Variants in RBBP4 observed in about 807,000 individuals in gnomAD.
RBBP4 encodes the protein RB binding protein 4, chromatin remodeling factor.
A neutral mutation model predicts 57.2 loss-of-function variants in RBBP4; 3 were observed. That is an observed-to-expected ratio of 0.05 (90% CI 0.02 to 0.14). RBBP4 has a LOEUF of 0.14. Among genes scored for constraint, RBBP4 ranks in the 10% least tolerant of loss-of-function variants. RBBP4 has a pLI of 1.00. For synonymous variants in RBBP4, 151 were observed against 171.5 expected (o/e 0.88, Z 0.93); for missense variants, 107 against 520.6 (o/e 0.21, Z 7.73).
Position 32,681,925 on chromosome 1 carries a change from T to C in RBBP4, c.*2220T>C. 1 of 1,425,514 alleles carries C rather than the reference T, an allele frequency of 7.0e-7. No homozygotes were observed. Among genetic ancestry groups the C allele is most frequent in the Admixed American group, 1.7e-5 (1 of 59,432 alleles). 88.3% of individuals were successfully genotyped at this position (1,425,514 alleles called of 1,614,324 possible). On this transcript the variant is annotated 3_prime_UTR_variant, in exon 12 of 12. Coordinates refer to ENST00000373493, the MANE Select transcript of RBBP4 (RefSeq NM_005610.3). The stretch of plus-strand genomic sequence containing the variant: ...TGAGGTTTAGTTACTGCAGGCTTTG[T>C]TGAGAAGAGATTGTTACAGTGTGAT...
intron 8 of RBBP4, among the ~76,000 whole-genome samples, chr1:32,670,712 A>G (rs1417345511): frequency 6.6e-6 from 1 of 152,224 alleles, no homozygotes; most frequent in African/African-American, 2.4e-5. Flanking sequence ...TGCTGGGATT[A>G]CAGGCGTAAG....
Position 32,659,928 on chromosome 1 carries a change from C to T in RBBP4, c.310+2356C>T, listed in dbSNP as rs562848722. Among the ~76,000 whole-genome samples, 6 of 152,266 alleles carry T rather than the reference C, an allele frequency of 3.9e-5. No individual in the cohort carries two copies. The East Asian group carries it at 9.6e-4, about 24-fold the overall frequency. On this transcript the variant is annotated intron_variant, in intron 3 of 11. Transcript: ENST00000373493. Reference sequence around the variant, plus strand: ...CTAAGTAGAATGTTGTATCAAAGGGCAGGACCGTTTTTTAATATAATTGAT... The same window carrying T: ...CTAAGTAGAATGTTGTATCAAAGGGTAGGACCGTTTTTTAATATAATTGAT...
chr1:32,683,612 G>A lies in RBBP4; in HGVS notation c.*3907G>A, dbSNP rs1423754791. Reference sequence around the variant, plus strand: ...ATCCCCTTGTCATTAGGCACACAAGGGTTTTTTGTTGTTTTTGTTTTTTGG... The same window carrying A: ...ATCCCCTTGTCATTAGGCACACAAGAGTTTTTTGTTGTTTTTGTTTTTTGG... On this transcript the variant is annotated 3_prime_UTR_variant, in exon 12 of 12. Transcript: ENST00000373493. 1 of 158,536 alleles carries A rather than the reference G, an allele frequency of 6.3e-6. No individual in the cohort carries two copies. Among genetic ancestry groups the A allele is most frequent in the Non-Finnish European group, 1.4e-5 (1 of 72,330 alleles). 9.8% of individuals were successfully genotyped at this position (158,536 alleles called of 1,614,324 possible). A position where few individuals can be genotyped will look rare whatever the true frequency, so the allele number is the denominator to read the frequency against.
At chr1:32,667,821 TCTC>T (rs1398218651) in intron 3 of RBBP4, among the ~76,000 whole-genome samples, 1 of 152,234 alleles carries the variant, frequency 6.6e-6, no homozygotes, top group Admixed American at 6.5e-5. Flanking sequence ...ATGCAGATCT[TCTC>T]ATATACTTTA....
chr1:32,656,468 G>A lies in RBBP4; in HGVS notation c.165-959G>A, dbSNP rs139911868. Among the ~76,000 whole-genome samples the A allele has an allele frequency of 9.3e-3, 1,420 of 152,128 alleles. 23 individuals carry two copies. The highest frequency in any genetic ancestry group is 0.034 in the East Asian group (176 of 5,176). On this transcript the variant is annotated intron_variant, in intron 2 of 11. Transcript: ENST00000373493. ...CCTGGGTTCAAGCAGTTCTCCTGTC[G>A]CAGCCTCCTGAGTAGCTAGGACTAC...
intron 3 of RBBP4, among the ~76,000 whole-genome samples, chr1:32,660,754 G>A (rs1648368995): frequency 2.0e-5 from 3 of 152,026 alleles, no homozygotes; most frequent in East Asian, 1.9e-4. Flanking sequence ...TAAAACTTTT[G>A]TCATTCTGGT....
At chr1:32,651,536 C>G (rs12407680) in intron 1 of RBBP4, 47,495 of 1,271,354 alleles carry the variant, frequency 0.037, 1,271 homozygotes, top group Admixed American at 0.12. Flanking sequence ...CGGTGGGGCC[C>G]CCGGCCAGTG....
chr1:32,674,594 G>A (rs1649016381), intron 11 of RBBP4, among the ~76,000 whole-genome samples: 1 of 151,588 alleles, frequency 6.6e-6, no homozygotes, highest in Non-Finnish European at 1.5e-5. Flanking sequence ...AAAGAATTCA[G>A]AAGAAACTTG....
rs1649253327 is a variant in RBBP4 at position 32,678,978 on chromosome 1, T to C, written c.1213-662T>C. 2.6e-5 allele frequency among the ~76,000 whole-genome samples: 4 copies of C among 152,254 alleles called. No homozygotes were observed. The South Asian group carries it at 6.2e-4, about 24-fold the overall frequency. On this transcript the variant is annotated intron_variant, in intron 11 of 11. Coordinates refer to ENST00000373493, the MANE Select transcript of RBBP4 (RefSeq NM_005610.3). ...TAGTAGTTGATGGATATTTGGGTTG[T>C]TTTTACTTTTTGGCTATTATTAATA...
At chr1:32,670,259 C>T (rs1236536808) in intron 8 of RBBP4, among the ~76,000 whole-genome samples, 1 of 152,178 alleles carries the variant, frequency 6.6e-6, no homozygotes, top group Non-Finnish European at 1.5e-5. Context: ...ACTTAGTGAT[C>T]TCTTCCCTTC....
rs549901255 is a variant in RBBP4 at position 32,661,810 on chromosome 1, T to TC, written c.310+4238_310+4239insC. On this transcript the variant is annotated intron_variant, in intron 3 of 11. Transcript: ENST00000373493. Reference sequence around the variant, plus strand: ...GATTGGTGATGTTGATCTTTTTTTTTTCACATTCGTTGTCTGCTTATATGT... The same window carrying TC: ...GATTGGTGATGTTGATCTTTTTTTTTCTCACATTCGTTGTCTGCTTATATGT... Among the ~76,000 whole-genome samples the TC allele has an allele frequency of 5.7e-3, 242 of 42,784 alleles. 1 individual carries two copies. The Middle Eastern group carries it at 0.061, about 11-fold the overall frequency. 28.1% of individuals were successfully genotyped at this position (42,784 alleles called of 152,430 possible).
chr1:32,659,956 T>C (rs1648328432), intron 3 of RBBP4, among the ~76,000 whole-genome samples: 1 of 152,226 alleles, frequency 6.6e-6, no homozygotes, highest in African/African-American at 2.4e-5. Flanking sequence ...TAATTGATAC[T>C]GCTAAGTTGC....
chr1:32,670,988 C>T (rs1648851364), intron 8 of RBBP4, among the ~76,000 whole-genome samples: 1 of 152,154 alleles, frequency 6.6e-6, no homozygotes, highest in South Asian at 2.1e-4. Flanking sequence ...CTTGCCTGGA[C>T]AGAATCCAAA....
intron 11 of RBBP4, among the ~76,000 whole-genome samples, chr1:32,674,531 A>G (rs6681759): frequency 0.97 from 146,918 of 151,020 alleles, 71,589 homozygotes; most frequent in Non-Finnish European, 1. Flanking sequence ...CCCGCCCCCC[A>G]CTTTTTTTTG....
At chr1:32,658,454 G>A (rs1242250412) in intron 3 of RBBP4, among the ~76,000 whole-genome samples, 1 of 151,512 alleles carries the variant, frequency 6.6e-6, no homozygotes, top group Admixed American at 6.6e-5. Flanking sequence ...CTCTCTATGT[G>A]TATAGAAACT....
At position 32,685,294 on chromosome 1, in the gene RBBP4, T is replaced by C. The variant is rs1160814394; in HGVS notation, c.*5589T>C. 6.6e-6 allele frequency: 1 copy of C among 152,198 alleles called. No individual in the cohort carries two copies. Among genetic ancestry groups the C allele is most frequent in the Admixed American group, 6.5e-5 (1 of 15,274 alleles). 9.4% of individuals were successfully genotyped at this position (152,198 alleles called of 1,614,324 possible). On this transcript the variant is annotated 3_prime_UTR_variant, in exon 12 of 12. Transcript: ENST00000373493. Reference sequence around the variant, plus strand: ...AGGCTGGGATGCATTCTGTAAATTTTCCCTGCCTAGGATGTATACCTGAGG... The same window carrying C: ...AGGCTGGGATGCATTCTGTAAATTTCCCCTGCCTAGGATGTATACCTGAGG...
intron 3 of RBBP4, among the ~76,000 whole-genome samples, chr1:32,661,481 A>G (rs1013491947): frequency 6.6e-6 from 1 of 151,598 alleles, no homozygotes; most frequent in Non-Finnish European, 1.5e-5. Context: ...TTTAGTAGAG[A>G]TGGGGTTTCT....
At chr1:32,653,961 A>G (rs1199951266) in intron 2 of RBBP4, among the ~76,000 whole-genome samples, 2 of 152,104 alleles carry the variant, frequency 1.3e-5, no homozygotes, top group South Asian at 2.1e-4. Context: ...CCCGGCCTAG[A>G]AGCTTCTTTA....
intron 2 of RBBP4, among the ~76,000 whole-genome samples, chr1:32,657,121 C>A (rs576326362): frequency 1.3e-5 from 2 of 152,078 alleles, no homozygotes; most frequent in African/African-American, 2.4e-5. Context: ...ACTAAAAATA[C>A]GAAAATCAGC....
Sources: gnomAD v4.1 joint callset for allele counts (sites outside exome capture counted in the v4.1 genomes callset) on GRCh38, gnomAD v4.1.1 for gene constraint, MANE v1.5 for transcripts, NCBI Gene and HGNC (gene_info 2026-07-23, HGNC 2026-07-21) for gene names.